STPG2: variants seen among roughly 807,000 people sequenced by gnomAD.
The protein encoded by STPG2 is sperm tail PG-rich repeat containing 2.
STPG2 carries 56 observed loss-of-function variants against 54.2 expected under a neutral mutation model. The ratio of observed to expected loss-of-function variants is 1.03; its 90% CI spans 0.83 to 1.29. STPG2 has a LOEUF of 1.29. STPG2 is among the 50% of genes most tolerant of loss of function. The pLI, the probability that STPG2 is intolerant of heterozygous loss-of-function variation, is 0.00. For synonymous variants in STPG2, 200 were observed against 181.8 expected (o/e 1.10, Z -0.81); for missense variants, 596 against 544.9 (o/e 1.09, Z -0.93).
At chr4:97,511,076 T>C (rs1190129204) in intron 4 of STPG2, among the ~76,000 whole-genome samples, 2 of 151,856 alleles carry the variant, frequency 1.3e-5, no homozygotes, top group African/African-American at 2.4e-5. Flanking sequence ...ATGGAAGAAA[T>C]AGAAAATGTA....
At chr4:98,101,026 C>T (rs10010438) in intron 5 of STPG2, among the ~76,000 whole-genome samples, 60,093 of 151,840 alleles carry the variant, frequency 0.4, 12,134 homozygotes, top group Middle Eastern at 0.47. Flanking sequence ...GTGTTATTTT[C>T]CTTGGACCTT....
intron 8 of STPG2, among the ~76,000 whole-genome samples, chr4:97,870,349 T>A (rs974962012): frequency 6.6e-6 from 1 of 151,358 alleles, no homozygotes; most frequent in Non-Finnish European, 1.5e-5. Flanking sequence ...CTTAACTCAC[T>A]TGTTAAAATA....
At chr4:98,021,163 T>C (rs1736174679) in intron 5 of STPG2, among the ~76,000 whole-genome samples, 1 of 145,954 alleles carries the variant, frequency 6.9e-6, no homozygotes, top group Admixed American at 6.8e-5. Flanking sequence ...TTTAGTGCTA[T>C]AAATTTCCCT....
chr4:97,629,991 G>T (rs768721115), intron 10 of STPG2, among the ~76,000 whole-genome samples: 1 of 151,908 alleles, frequency 6.6e-6, no homozygotes. Flanking sequence ...TCCTGACATT[G>T]AGTTGTTATT....
At chr4:97,694,632 C>T (rs367721868) in intron 10 of STPG2, among the ~76,000 whole-genome samples, 3 of 150,932 alleles carry the variant, frequency 2.0e-5, no homozygotes, top group Admixed American at 2.0e-4. Flanking sequence ...CACGGTGAAA[C>T]CCCGTCTCTA....
At chr4:97,519,504 G>A (rs1055990704) in intron 4 of STPG2, among the ~76,000 whole-genome samples, 1 of 152,038 alleles carries the variant, frequency 6.6e-6, no homozygotes, top group East Asian at 1.9e-4. Flanking sequence ...CCCCTATTGT[G>A]AGAAAAATTT....
intron 5 of STPG2, among the ~76,000 whole-genome samples, chr4:98,021,326 G>C (rs541566815): frequency 7.5e-6 from 1 of 133,172 alleles, no homozygotes; most frequent in Admixed American, 7.3e-5. Context: ...TAGTTGAGCG[G>C]TTTTGAGTGA....
chr4:97,578,768 C>T (rs1385760426), intron 10 of STPG2, among the ~76,000 whole-genome samples: 2 of 152,080 alleles, frequency 1.3e-5, no homozygotes, highest in Non-Finnish European at 2.9e-5. Flanking sequence ...TTAACTAAAT[C>T]AGAAGTTCTA....
chr4:97,720,032 T>C (rs746515541), intron 9 of STPG2, among the ~76,000 whole-genome samples: 2 of 151,994 alleles, frequency 1.3e-5, no homozygotes, highest in Non-Finnish European at 2.9e-5. Context: ...AATTCTGTTA[T>C]GTGGATGTCA....
chr4:97,513,172 C>T (rs530692562), intron 4 of STPG2, among the ~76,000 whole-genome samples: 24 of 152,066 alleles, frequency 1.6e-4, no homozygotes, highest in African/African-American at 3.1e-4. Context: ...AAGAATATTA[C>T]GAAGGATAAA....
intron 8 of STPG2, among the ~76,000 whole-genome samples, chr4:97,859,136 T>G (rs1729425617): frequency 6.6e-6 from 1 of 152,208 alleles, no homozygotes. Flanking sequence ...TACATTTCCC[T>G]GACAATTAGC....
intron 9 of STPG2, among the ~76,000 whole-genome samples, chr4:97,778,708 G>A (rs966461040): frequency 2.0e-5 from 3 of 152,122 alleles, no homozygotes; most frequent in Non-Finnish European, 2.9e-5. Context: ...CACCTCACAC[G>A]GCTGGGTACT....
At chr4:97,959,261 A>G (rs954054789) in intron 7 of STPG2, among the ~76,000 whole-genome samples, 6 of 152,126 alleles carry the variant, frequency 3.9e-5, no homozygotes, top group African/African-American at 1.4e-4. Context: ...TGCCTACACC[A>G]AAAAGTCTAA....
rs183958106 is a variant in STPG2 at position 97,800,774 on chromosome 4, C to T, written c.1204+39999G>A. ...CCTTTTGTTTGGCTATGCCCTACCCCCAGAGTTGGAGTCTACAGAGGCAGG... is the reference window on the plus strand; with the variant it reads ...CCTTTTGTTTGGCTATGCCCTACCCTCAGAGTTGGAGTCTACAGAGGCAGG... On this transcript the variant is annotated intron_variant, in intron 9 of 10. Transcript: ENST00000295268. 2.6e-3 allele frequency among the ~76,000 whole-genome samples: 398 copies of T among 152,264 alleles called. 2 individuals are homozygous for T. Among genetic ancestry groups the T allele is most frequent in the African/African-American group, 9.0e-3 (375 of 41,574 alleles).
intron 4 of STPG2, among the ~76,000 whole-genome samples, chr4:97,496,577 A>G (rs1730615664): frequency 6.6e-6 from 1 of 151,834 alleles, no homozygotes; most frequent in African/African-American, 2.4e-5. Flanking sequence ...AGAAGGTAGC[A>G]AGAAAACATT....
At chr4:97,486,853 G>GTATGTATA (rs1730376108) in intron 4 of STPG2, among the ~76,000 whole-genome samples, 2 of 105,102 alleles carry the variant, frequency 1.9e-5, no homozygotes, top group African/African-American at 8.9e-5. Context: ...ATATATGTAT[G>GTATGTATA]TATACAAACA....
chr4:97,711,238 A>T (rs1160300795), intron 10 of STPG2, among the ~76,000 whole-genome samples: 3 of 152,132 alleles, frequency 2.0e-5, no homozygotes, highest in Non-Finnish European at 4.4e-5. Flanking sequence ...ATATCATCAA[A>T]CTATGAACAA....
intron 10 of STPG2, among the ~76,000 whole-genome samples, chr4:97,693,549 C>T (rs1723450037): frequency 6.6e-6 from 1 of 152,084 alleles, no homozygotes; most frequent in Non-Finnish European, 1.5e-5. Context: ...TACTACTAGA[C>T]CAAGAAATGA....
chr4:97,853,359 T>C (rs749155975), intron 8 of STPG2, among the ~76,000 whole-genome samples: 1 of 152,226 alleles, frequency 6.6e-6, no homozygotes, highest in Non-Finnish European at 1.5e-5. Context: ...AAAATTGTGA[T>C]AGTTCATGTA....
Sources: gnomAD v4.1 joint callset for allele counts (sites outside exome capture counted in the v4.1 genomes callset) on GRCh38, gnomAD v4.1.1 for gene constraint, MANE v1.5 for transcripts, NCBI Gene and HGNC (gene_info 2026-07-23, HGNC 2026-07-21) for gene names.